Variants in TSC22D1 observed in about 807,000 individuals in gnomAD.
TSC22D1 encodes the protein TSC22 domain family protein 1.
TSC22D1 carries 9 observed loss-of-function variants against 74.2 expected under a neutral mutation model. That is an observed-to-expected ratio of 0.12 (90% CI 0.07 to 0.21). The LOEUF is 0.21. Ranked by LOEUF, TSC22D1 falls within the 10% of genes least tolerant of loss-of-function variation. The pLI is 1.00. For missense variants in TSC22D1, 1,427 were observed against 1,304.7 expected, an observed-to-expected ratio of 1.09 and a Z score of -1.44; for synonymous variants, 586 against 492.5, an observed-to-expected ratio of 1.19 and a Z score of -2.51.
intron 1 of TSC22D1, among the ~76,000 whole-genome samples, chr13:44,554,569 A>T (rs1882498685): frequency 6.6e-6 from 1 of 151,032 alleles, no homozygotes; most frequent in Non-Finnish European, 1.5e-5. Context: ...GTATGTAACA[A>T]GCATTCAATA....
rs948329971 is a variant in TSC22D1, at chr13:44,539,456, C to G, written c.2912+33707G>C. On this transcript the variant is annotated intron_variant, in intron 1 of 2. Transcript: ENST00000458659. ...TAAATTACTTGAATATAAAAGAGCA[C>G]TTAGAAGTCCACTAATACCACAAAG... is the stretch of plus-strand genomic sequence containing the variant. 10 of 985,208 alleles carry G rather than the reference C, an allele frequency of 1.0e-5. No individual in the cohort carries two copies. In the African/African-American group the frequency reaches 1.7e-4, roughly 17 times the overall value. The allele number at this position is 985,208 out of a possible 1,614,324, so 61.0% of individuals were successfully genotyped here. A position where few individuals can be genotyped will look rare whatever the true frequency, so the allele number is the denominator to read the frequency against.
rs570597714 is a variant in TSC22D1, at chr13:44,533,595, C to T, written c.2912+39568G>A. 9.2e-5 allele frequency among the ~76,000 whole-genome samples: 14 copies of T among 152,148 alleles called. No individual in the cohort carries two copies. The South Asian group carries it at 2.9e-3, about 32-fold the overall frequency. On this transcript the variant is annotated intron_variant, in intron 1 of 2. Transcript: ENST00000458659. ...GGTCAGGAGTTCAAGACCTGCCTGG[C>T]CACCATGGTGAAGCCCCATCTCTAC...
intron 1 of TSC22D1, among the ~76,000 whole-genome samples, chr13:44,551,395 T>G (rs867594271): frequency 1.6e-4 from 19 of 122,546 alleles, no homozygotes; most frequent in African/African-American, 7.5e-4. Context: ...GATGGGTGTG[T>G]GTGTGTGTGT....
intron 1 of TSC22D1, among the ~76,000 whole-genome samples, chr13:44,509,950 C>CAAAAAAAAAAAAAAAAAAAGAA (rs1879616996): frequency 1.9e-5 from 1 of 51,426 alleles, no homozygotes; most frequent in Non-Finnish European, 3.6e-5. Context: ...AGAAAATAAG[C>CAAAAAAAAAAAAAAAAAAAGAA]AAAAAAAAAA....
At chr13:44,494,914 A>C (rs79888356) in intron 1 of TSC22D1, among the ~76,000 whole-genome samples, 5,722 of 152,326 alleles carry the variant, frequency 0.038, 143 homozygotes, top group Middle Eastern at 0.092. Context: ...AACAAGACAG[A>C]AAGTATAAAA....
intron 1 of TSC22D1, among the ~76,000 whole-genome samples, chr13:44,571,119 AAC>A (rs1455086444): frequency 6.6e-6 from 1 of 152,218 alleles, no homozygotes; most frequent in African/African-American, 2.4e-5. Flanking sequence ...GTAAATTCAA[AAC>A]AGTCCCTGCT....
intron 1 of TSC22D1, among the ~76,000 whole-genome samples, chr13:44,525,240 C>T (rs565667985): frequency 1.3e-5 from 2 of 152,166 alleles, no homozygotes; most frequent in African/African-American, 4.8e-5. Context: ...ACTCATCTTA[C>T]TACAATCAAC....
Position 44,573,934 on chromosome 13 carries a change from C to A in TSC22D1, c.2141G>T (p.Gly714Val). Residue 714 changes from glycine (G) to valine (V), a missense_variant, in exon 1 of 3, where the codon GGC becomes GTC. This residue lies in a region of TSC22D1 where 1,343 missense variants were observed against 1,191.5 expected (regional missense o/e 1.13). Coordinates refer to ENST00000458659, the MANE Select transcript of TSC22D1 (RefSeq NM_183422.4). The part of the protein sequence containing the change: ...QPAGASVQPV[G>V]QAPAAVSAVP... ...AGCAGACACTGCTGCCGGAGCCTGG[C>A]CAACAGGCTGGACAGATGCCCCTGC... is the stretch of plus-strand genomic sequence containing the variant. 6.2e-7 allele frequency: 1 copy of A among 1,614,154 alleles called. No individual in the cohort carries two copies. The highest frequency in any genetic ancestry group is 8.5e-7 in the Non-Finnish European group (1 of 1,180,050).
intron 1 of TSC22D1, among the ~76,000 whole-genome samples, chr13:44,527,081 C>G (rs553280201): frequency 6.6e-6 from 1 of 152,018 alleles, no homozygotes; most frequent in Admixed American, 6.6e-5. Context: ...ACCTACAATT[C>G]TGCATACAGC....
intron 1 of TSC22D1, among the ~76,000 whole-genome samples, chr13:44,502,733 C>T (rs1399679080): frequency 6.6e-6 from 1 of 152,212 alleles, no homozygotes; most frequent in African/African-American, 2.4e-5. Context: ...AGTTGCTTGA[C>T]TAAGCTTACA....
chr13:44,531,684 T>C (rs572114313), intron 1 of TSC22D1, among the ~76,000 whole-genome samples: 1 of 152,318 alleles, frequency 6.6e-6, no homozygotes, highest in African/African-American at 2.4e-5. Context: ...TAGATGTACA[T>C]GCAACCATTA....
At chr13:44,506,746 A>G (rs1034165448) in intron 1 of TSC22D1, among the ~76,000 whole-genome samples, 6 of 152,242 alleles carry the variant, frequency 3.9e-5, no homozygotes, top group Non-Finnish European at 5.9e-5. Flanking sequence ...TATGGAAAAG[A>G]TGGAAGTGGG....
At position 44,573,745 on chromosome 13, in the gene TSC22D1, A is replaced by G. The variant is rs1318302400; in HGVS notation, c.2330T>C (p.Val777Ala). ...AGGAAGGCTTGGAGCACTAGTTTGA[A>G]CTCCCTGATGAATAATCCCAGTTTG... is the stretch of plus-strand genomic sequence containing the variant. ...PAQTGIIHQGVQTSAPSLPQQ... is the reference protein window; with the variant it reads ...PAQTGIIHQGAQTSAPSLPQQ... Residue 777 changes from valine (V) to alanine (A), a missense_variant, in exon 1 of 3, where the codon GTT becomes GCT. By Grantham distance (64) the Val-to-Ala change is moderately conservative. Around this residue, in one of 3 missense-constraint regions of TSC22D1, gnomAD observed 1,343 missense variants for 1,191.5 expected, o/e 1.13. Transcript: ENST00000458659. The G allele has an allele frequency of 6.2e-7, 1 of 1,613,884 alleles. No individual in the cohort carries two copies. The highest frequency in any genetic ancestry group is 8.5e-7 in the Non-Finnish European group (1 of 1,180,000).
intron 1 of TSC22D1, among the ~76,000 whole-genome samples, chr13:44,496,503 C>T (rs144188675): frequency 2.7e-4 from 41 of 151,944 alleles, no homozygotes; most frequent in African/African-American, 9.9e-4. Context: ...GCCAACATTG[C>T]GAAACCCCAT....
intron 1 of TSC22D1, among the ~76,000 whole-genome samples, chr13:44,520,308 G>A (rs1880249588): frequency 6.6e-6 from 1 of 152,188 alleles, no homozygotes; most frequent in South Asian, 2.1e-4. Flanking sequence ...CCCAAAGTGT[G>A]AAGAGAGAAT....
At chr13:44,562,410 C>A (rs893667169) in intron 1 of TSC22D1, among the ~76,000 whole-genome samples, 1 of 152,166 alleles carries the variant, frequency 6.6e-6, no homozygotes, top group Admixed American at 6.5e-5. Flanking sequence ...AAAATGACAA[C>A]GTGCAAAAGG....
chr13:44,490,154 G>A (rs1258686195), intron 1 of TSC22D1, among the ~76,000 whole-genome samples: 2 of 152,108 alleles, frequency 1.3e-5, no homozygotes, highest in East Asian at 1.9e-4. Flanking sequence ...CTATGAAAAT[G>A]AACAAACTTC....
At chr13:44,458,575 C>T (rs1286594323) in intron 1 of TSC22D1, among the ~76,000 whole-genome samples, 1 of 152,054 alleles carries the variant, frequency 6.6e-6, no homozygotes, top group African/African-American at 2.4e-5. Flanking sequence ...GAAGCCTGCA[C>T]TCCCAGGCAC....
At position 44,573,335 on chromosome 13, in the gene TSC22D1, T is replaced by C; in HGVS notation, c.2740A>G (p.Arg914Gly). The C allele has an allele frequency of 1.2e-6, 2 of 1,614,288 alleles. No homozygotes were observed. The highest frequency in any genetic ancestry group is 1.7e-6 in the Non-Finnish European group (2 of 1,180,042). ...QAIGSQIEDA[R>G]RAAEPSLVGL... ...ACTAAGGAGGGCTCCGCTGCACGCCTGGCATCTTCAATTTGGCTTCCAATT... is the reference window on the plus strand; with the variant it reads ...ACTAAGGAGGGCTCCGCTGCACGCCCGGCATCTTCAATTTGGCTTCCAATT... Residue 914 changes from arginine (R) to glycine (G), a missense_variant, in exon 1 of 3, where the codon AGG (arginine) becomes GGG (glycine). Coordinates refer to ENST00000458659, the MANE Select transcript of TSC22D1 (RefSeq NM_183422.4).
Sources: allele counts gnomAD v4.1 joint callset (sites outside exome capture counted in the v4.1 genomes callset), GRCh38; gene constraint gnomAD v4.1.1; regional missense constraint gnomAD v4.1.1; transcripts MANE v1.5; gene names NCBI Gene and HGNC (gene_info 2026-07-23, HGNC 2026-07-21).